The following ANKS1B variants were observed in gnomAD, a reference collection of about 807,000 sequenced individuals.
The protein encoded by ANKS1B is ankyrin repeat and sterile alpha motif domain containing 1B.
Under a neutral mutation model 148.3 loss-of-function variants are expected in ANKS1B, and 36 were observed. The ratio of observed to expected loss-of-function variants is 0.24; its 90% CI spans 0.19 to 0.32. The LOEUF (loss-of-function observed/expected upper bound fraction) is 0.32, where lower values mean the gene tolerates loss of function less well. Among genes scored for constraint, ANKS1B ranks in the 10% least tolerant of loss-of-function variants. The pLI, the probability that ANKS1B is intolerant of heterozygous loss-of-function variation, is 1.00. For synonymous variants in ANKS1B, 542 were observed against 560.8 expected (o/e 0.97, Z 0.47); for missense variants, 1,157 against 1,542.6 (o/e 0.75, Z 4.19).
At chr12:99,076,425 T>C (rs984770032) in intron 16 of ANKS1B, among the ~76,000 whole-genome samples, 2 of 151,782 alleles carry the variant, frequency 1.3e-5, no homozygotes, top group African/African-American at 4.8e-5. Context: ...GTAAAGAGAG[T>C]ATTGCGGCAC....
intron 17 of ANKS1B, among the ~76,000 whole-genome samples, chr12:99,019,169 T>TG (rs2099944279): frequency 6.6e-6 from 1 of 152,120 alleles, no homozygotes; most frequent in Non-Finnish European, 1.5e-5. Context: ...TTGTTGTGAG[T>TG]TTTCTATTCA....
chr12:99,059,373 C>T (rs1246640928), intron 16 of ANKS1B, among the ~76,000 whole-genome samples: 1 of 152,200 alleles, frequency 6.6e-6, no homozygotes, highest in East Asian at 1.9e-4. Context: ...GACAAAATGA[C>T]AAATTCATTT....
At chr12:99,695,984 G>C (rs2053844463) in intron 8 of ANKS1B, among the ~76,000 whole-genome samples, 1 of 152,012 alleles carries the variant, frequency 6.6e-6, no homozygotes, top group Non-Finnish European at 1.5e-5. Flanking sequence ...ACTACCTACT[G>C]GGCACTATGC....
intron 1 of ANKS1B, among the ~76,000 whole-genome samples, chr12:99,858,110 G>T (rs1285305385): frequency 1.3e-5 from 2 of 152,152 alleles, no homozygotes; most frequent in African/African-American, 4.8e-5. Flanking sequence ...CCCACAGAGT[G>T]GGAGACAATC....
intron 10 of ANKS1B, among the ~76,000 whole-genome samples, chr12:99,458,440 GA>G (rs147575113): frequency 0.06 from 7,955 of 133,642 alleles, 566 homozygotes; most frequent in African/African-American, 0.18. Context: ...AAATGAAATT[GA>G]AAAAAAAAAA....
intron 9 of ANKS1B, among the ~76,000 whole-genome samples, chr12:99,514,694 T>C (rs2096798356): frequency 6.6e-6 from 1 of 152,118 alleles, no homozygotes; most frequent in Non-Finnish European, 1.5e-5. Context: ...TAAAAATGAC[T>C]ATGACCAGAT....
At chr12:99,565,271 A>G (rs970414255) in intron 9 of ANKS1B, among the ~76,000 whole-genome samples, 1 of 152,188 alleles carries the variant, frequency 6.6e-6, no homozygotes, top group Non-Finnish European at 1.5e-5. Context: ...CTAAAATGGC[A>G]TCAACTAAAT....
chr12:99,903,950 T>C (rs966404800), intron 1 of ANKS1B, among the ~76,000 whole-genome samples: 3 of 152,134 alleles, frequency 2.0e-5, no homozygotes, highest in South Asian at 2.1e-4. Context: ...GTATGGTAAA[T>C]TTGAACTCAG....
At chr12:98,758,700 C>G (rs1297367313) in intron 25 of ANKS1B, among the ~76,000 whole-genome samples, 1 of 152,066 alleles carries the variant, frequency 6.6e-6, no homozygotes, top group Non-Finnish European at 1.5e-5. Flanking sequence ...CTGGAAAGCA[C>G]AGGAATTCCC....
In ANKS1B at chr12:99,695,568, T is replaced by C. The variant is rs1364288259; in HGVS notation, c.1129-40358A>G. Among the ~76,000 whole-genome samples the C allele has an allele frequency of 3.9e-5, 6 of 152,134 alleles. No homozygotes were observed. In the South Asian group the frequency reaches 6.2e-4, roughly 16 times the overall value. On this transcript the variant is annotated intron_variant, in intron 8 of 26. Transcript: ENST00000683438. ...ATGGTGGTGCCTCACTAATGAAAGATTCAGATTTTTTTAAAGGGTCTACCT... is the reference window on the plus strand; with the variant it reads ...ATGGTGGTGCCTCACTAATGAAAGACTCAGATTTTTTTAAAGGGTCTACCT...
chr12:99,924,951 AAGTT>A (rs2094449508), intron 1 of ANKS1B, among the ~76,000 whole-genome samples: 1 of 152,030 alleles, frequency 6.6e-6, no homozygotes, highest in African/African-American at 2.4e-5. Context: ...GATGCAGTAT[AAGTT>A]AGTTATTTTT....
At chr12:99,761,456 C>A (rs111442438) in intron 8 of ANKS1B, among the ~76,000 whole-genome samples, 223 of 152,130 alleles carry the variant, frequency 1.5e-3, no homozygotes, top group African/African-American at 5.2e-3. Context: ...ATATGATCAT[C>A]TCAATAGATG....
chr12:99,772,532 G>A lies in ANKS1B; in HGVS notation c.1128+390C>T, dbSNP rs531076742. On this transcript the variant is annotated intron_variant, in intron 8 of 26. Transcript: ENST00000683438. The stretch of plus-strand genomic sequence containing the variant: ...TCAGGAGGAAGTGAGGAAACTATAC[G>A]TGTGGCTCTGCTCTGTTAGTCTGAG... 6.6e-5 allele frequency among the ~76,000 whole-genome samples: 10 copies of A among 152,170 alleles called. No individual in the cohort carries two copies. In the East Asian group the frequency reaches 1.2e-3, roughly 18 times the overall value.
At chr12:99,444,236 C>A (rs976137525) in intron 10 of ANKS1B, among the ~76,000 whole-genome samples, 1 of 151,912 alleles carries the variant, frequency 6.6e-6, no homozygotes, top group Non-Finnish European at 1.5e-5. Context: ...CTCCCTGATG[C>A]ATAAAATCCA....
At chr12:99,080,248 A>G (rs905978489) in intron 16 of ANKS1B, among the ~76,000 whole-genome samples, 1 of 152,208 alleles carries the variant, frequency 6.6e-6, no homozygotes, top group East Asian at 1.9e-4. Flanking sequence ...ATAATTGTCA[A>G]TAGTATCAGA....
intron 16 of ANKS1B, among the ~76,000 whole-genome samples, chr12:99,056,595 G>A (rs1018969585): frequency 6.6e-6 from 1 of 152,100 alleles, no homozygotes; most frequent in Non-Finnish European, 1.5e-5. Context: ...AAGTCCAAAT[G>A]TCCTATTCCA....
chr12:99,529,803 C>T (rs993017223), intron 9 of ANKS1B, among the ~76,000 whole-genome samples: 37 of 152,296 alleles, frequency 2.4e-4, no homozygotes, highest in African/African-American at 8.7e-4. Flanking sequence ...TTTAAATAAT[C>T]TCCAAACTCC....
In ANKS1B at chr12:99,124,750, G is replaced by A. The variant is rs530808425; in HGVS notation, c.2526+29539C>T. Among the ~76,000 whole-genome samples, 25 of 152,240 alleles carry A rather than the reference G, an allele frequency of 1.6e-4. 1 individual carries two copies. Among genetic ancestry groups the A allele is most frequent in the African/African-American group, 6.0e-4 (25 of 41,546 alleles). ...TAGGGGAGGGGCATCCAAAAGGAGA[G>A]AATGAGAAGGAATGGCCTGCAAGAT... On this transcript the variant is annotated intron_variant, in intron 15 of 26. Coordinates refer to ENST00000683438, the MANE Select transcript of ANKS1B (RefSeq NM_001352186.2).
In ANKS1B at chr12:99,806,695, A is replaced by G. The variant is rs1447567103; in HGVS notation, c.378T>C (p.Asn126=). ...PSHSRVNEQN[N]ENETALHCAA... The stretch of plus-strand genomic sequence containing the variant: ...CACAGTGTAGGGCAGTTTCATTTTC[A>G]TTGTTCTAAGACAAAGATTTTTAAA... The change falls in exon 4 of 27, where the codon AAT becomes AAC. Residue 126 remains asparagine (N), a synonymous_variant. Coordinates refer to ENST00000683438, the MANE Select transcript of ANKS1B (RefSeq NM_001352186.2). The G allele has an allele frequency of 6.2e-7, 1 of 1,608,042 alleles. No homozygotes were observed. The highest frequency in any genetic ancestry group is 1.1e-5 in the South Asian group (1 of 90,960).
Sources: allele counts gnomAD v4.1 joint callset (sites outside exome capture counted in the v4.1 genomes callset), GRCh38; gene constraint gnomAD v4.1.1; transcripts MANE v1.5; gene names NCBI Gene and HGNC (gene_info 2026-07-23, HGNC 2026-07-21).